Variants in THOP1 observed in about 807,000 individuals in gnomAD.
THOP1 encodes the protein thimet oligopeptidase 1, also known as thimet oligopeptidase.
In THOP1, 49 loss-of-function variants were observed where a neutral mutation model predicts 71.8. That is an observed-to-expected ratio of 0.68 (90% confidence interval 0.54 to 0.87). THOP1 has a LOEUF of 0.87. Among genes scored for constraint, THOP1 ranks in the 40% least tolerant of loss-of-function variants. THOP1 has a pLI of 0.00. For missense variants in THOP1, 843 were observed against 975.6 expected, an observed-to-expected ratio of 0.86 and a Z score of 1.81; for synonymous variants, 426 against 421.5, an observed-to-expected ratio of 1.01 and a Z score of -0.13.
chr19:2,812,394 G>A, intron 12 of THOP1: 2 of 1,496,848 alleles, frequency 1.3e-6, no homozygotes. Flanking sequence ...CCACCAAGCA[G>A]GCACTCAGCT....
At chr19:2,787,789 GT>G (rs1324776510) in intron 1 of THOP1, among the ~76,000 whole-genome samples, 1 of 152,204 alleles carries the variant, frequency 6.6e-6, no homozygotes, top group African/African-American at 2.4e-5. Context: ...GGCGCTCCTG[GT>G]ATGGAATGGA....
chr19:2,799,921 G>A (rs1014429647), intron 5 of THOP1, 130 bp downstream of exon 5: 4 of 811,296 alleles, frequency 4.9e-6, no homozygotes, highest in African/African-American at 1.7e-5. Context: ...GCCGAAGTAC[G>A]TGGACCTGAC....
intron 5 of THOP1, among the ~76,000 whole-genome samples, chr19:2,802,805 GTCT>G (rs2144772597): frequency 6.6e-6 from 1 of 152,298 alleles, no homozygotes; most frequent in African/African-American, 2.4e-5. Context: ...CTCCTTGCCT[GTCT>G]TCTTACTGAT....
Position 2,808,458 on chromosome 19 carries a change from CGGG to C in THOP1, c.1455+15_1455+17del, listed in dbSNP as rs759586491. The stretch of plus-strand genomic sequence containing the variant: ...CTCTGCTCCCAGGTGGGTGCGGGCC[CGGG>C]CAGGGGCAGGGGCAGGGGCAGGGGC... On this transcript the variant is annotated intron_variant, in intron 9 of 12. Transcript: ENST00000307741. The C allele has an allele frequency of 1.9e-6, 3 of 1,577,382 alleles. No individual in the cohort carries two copies. In the South Asian group the frequency reaches 3.5e-5, roughly 18 times the overall value.
At chr19:2,797,661 C>T (rs1199317287) in intron 4 of THOP1, among the ~76,000 whole-genome samples, 5 of 152,230 alleles carry the variant, frequency 3.3e-5, no homozygotes, top group Non-Finnish European at 2.9e-5. Flanking sequence ...CTGTGATGTT[C>T]GCTCCTATTA....
rs546206774 is a variant in THOP1 at position 2,804,307 on chromosome 19, T to C, written c.590-709T>C. ...GGCTGCCGGGCAGCGGGGTGAACTG[T>C]GTCCTGCCAGGGGTTTTGTGGGTGG... On this transcript the variant is annotated intron_variant, in intron 5 of 12. Coordinates refer to ENST00000307741, the MANE Select transcript of THOP1 (RefSeq NM_003249.5). This position sits in a 1 kb window ranked among gnomAD's most constrained non-coding sequence, Gnocchi z 4.7. Among the ~76,000 whole-genome samples the C allele has an allele frequency of 6.6e-6, 1 of 152,208 alleles. No homozygotes were observed. Among genetic ancestry groups the C allele is most frequent in the African/African-American group, 2.4e-5 (1 of 41,538 alleles).
rs577246039 is a variant in THOP1, at chr19:2,791,194, G to A, written c.229+561G>A. On this transcript the variant is annotated intron_variant, in intron 2 of 12. Transcript: ENST00000307741. The stretch of plus-strand genomic sequence containing the variant: ...CTCTCCTTGGGGTCCCTGTGCTCAC[G>A]GTGAGGAGTGAGGTGCCTAGTGACA... 4.6e-5 allele frequency among the ~76,000 whole-genome samples: 7 copies of A among 152,234 alleles called. No homozygotes were observed. The South Asian group carries it at 8.3e-4, about 18-fold the overall frequency.
At chr19:2,796,528 G>C (rs1234798541) in intron 4 of THOP1, among the ~76,000 whole-genome samples, 1 of 151,266 alleles carries the variant, frequency 6.6e-6, no homozygotes, top group African/African-American at 2.4e-5. Flanking sequence ...GGAGTGCTGG[G>C]TGGGGGGAGT....
rs1311873018 is a variant in THOP1, at chr19:2,815,615, CAG to C, written c.*2340_*2341del. 1 of 152,632 alleles carries C rather than the reference CAG, an allele frequency of 6.6e-6. No homozygotes were observed. Among genetic ancestry groups the C allele is most frequent in the African/African-American group, 2.4e-5 (1 of 41,432 alleles). 9.5% of individuals were successfully genotyped at this position (152,632 alleles called of 1,614,324 possible). The stretch of plus-strand genomic sequence containing the variant: ...CAGGACAGAGCGGGGGCTTTGATCA[CAG>C]GGAGGGGGCTGCAGAGCTGCTGTGT... On this transcript the variant is annotated 3_prime_UTR_variant, in exon 13 of 13. Transcript: ENST00000307741.
Position 2,805,294 on chromosome 19 carries a change from T to G in THOP1, c.750+118T>G. On this transcript the variant is annotated intron_variant, in intron 6 of 12. Coordinates refer to ENST00000307741, the MANE Select transcript of THOP1 (RefSeq NM_003249.5). The surrounding 1 kb of genome is among the most constrained non-coding windows in gnomAD (Gnocchi z 6.6). The stretch of plus-strand genomic sequence containing the variant: ...CACTTGGATGGCCTCCCAATCTCCC[T>G]GGCCAGGCCCAGTGGCCAGCAGAGG... 7.9e-7 allele frequency: 1 copy of G among 1,267,262 alleles called. No individual in the cohort carries two copies. The highest frequency in any genetic ancestry group is 1.1e-6 in the Non-Finnish European group (1 of 938,968). The allele number at this position is 1,267,262 out of a possible 1,614,324, so 78.5% of individuals were successfully genotyped here.
At position 2,813,739 on chromosome 19, in the gene THOP1, T is replaced by C. The variant is rs911146331; in HGVS notation, c.*463T>C. 3 of 49,150 alleles carry C rather than the reference T, an allele frequency of 6.1e-5. No individual in the cohort carries two copies. Among genetic ancestry groups the C allele is most frequent in the Admixed American group, 2.1e-4 (1 of 4,858 alleles). 3.0% of individuals were successfully genotyped at this position (49,150 alleles called of 1,614,324 possible). On this transcript the variant is annotated 3_prime_UTR_variant, in exon 13 of 13. Coordinates refer to ENST00000307741, the MANE Select transcript of THOP1 (RefSeq NM_003249.5). ...CTCAGGTCCTTGTGGGGGCGGGGGGTGGGGGAGTAAAGGGCTGGGAACCAG... is the reference window on the plus strand; with the variant it reads ...CTCAGGTCCTTGTGGGGGCGGGGGGCGGGGGAGTAAAGGGCTGGGAACCAG...
intron 3 of THOP1, among the ~76,000 whole-genome samples, chr19:2,795,664 C>T (rs1231126377): frequency 6.6e-6 from 1 of 152,248 alleles, no homozygotes; most frequent in Non-Finnish European, 1.5e-5. Context: ...AATCCTCCCA[C>T]CTCCACTTTC....
At chr19:2,785,893 C>T (rs1221402618) in intron 1 of THOP1, among the ~76,000 whole-genome samples, 3 of 152,162 alleles carry the variant, frequency 2.0e-5, no homozygotes, top group Admixed American at 6.5e-5. Context: ...AAGTTGATGG[C>T]GCTTCCCTTC....
At position 2,813,015 on chromosome 19, in the gene THOP1, T is replaced by G; in HGVS notation, c.1909-100T>G. 9.2e-6 allele frequency: 13 copies of G among 1,410,318 alleles called. No individual in the cohort carries two copies. The South Asian group carries it at 1.9e-4, about 20-fold the overall frequency. 87.4% of individuals were successfully genotyped at this position (1,410,318 alleles called of 1,614,324 possible). A position where few individuals can be genotyped will look rare whatever the true frequency, so the allele number is the denominator to read the frequency against. ...GCCTCCCTGGGAACCTGGAAGGGGT[T>G]GCTCCGAGGCCCCCCTGGGCGAGGG... On this transcript the variant is annotated intron_variant, in intron 12 of 12. Coordinates refer to ENST00000307741, the MANE Select transcript of THOP1 (RefSeq NM_003249.5).
rs893413604 is a variant in THOP1 at position 2,806,000 on chromosome 19, C to T, written c.750+824C>T. On this transcript the variant is annotated intron_variant, in intron 6 of 12. Transcript: ENST00000307741. The surrounding 1 kb of genome is among the most constrained non-coding windows in gnomAD (Gnocchi z 6.6). ...GCCCATCACTGCGGGGGGTGGGGGA[C>T]GGGTGGGTACCAATGGGGGTACAGG... 7 of 5,690 alleles carry T rather than the reference C, an allele frequency of 1.2e-3. No homozygotes were observed. The highest frequency in any genetic ancestry group is 3.2e-3 in the African/African-American group (4 of 1,268). The allele number at this position is 5,690 out of a possible 1,614,324, so 0.4% of individuals were successfully genotyped here. A position where few individuals can be genotyped will look rare whatever the true frequency, so the allele number is the denominator to read the frequency against.
chr19:2,809,226 GT>G (rs1195488500), intron 9 of THOP1, among the ~76,000 whole-genome samples: 4 of 152,168 alleles, frequency 2.6e-5, no homozygotes, highest in African/African-American at 7.2e-5. Context: ...GCGCTGACGG[GT>G]TCACGTTGAA....
chr19:2,813,308 G>A lies in THOP1; in HGVS notation c.*32G>A. 6.3e-7 allele frequency: 1 copy of A among 1,575,310 alleles called. No individual in the cohort carries two copies. The highest frequency in any genetic ancestry group is 1.1e-5 in the South Asian group (1 of 87,788). ...GCACTGCGACTGCCCAGTCTGGCCT[G>A]CGCTCCCGCCGCCCTGGTGCCTTAG... On this transcript the variant is annotated 3_prime_UTR_variant, in exon 13 of 13. Transcript: ENST00000307741.
chr19:2,807,914 G>A, intron 8 of THOP1, 106 bp downstream of exon 8: 1 of 1,302,232 alleles, frequency 7.7e-7, no homozygotes, highest in East Asian at 2.7e-5. Flanking sequence ...GCTCCATGGG[G>A]CCTCGGGGAT....
chr19:2,812,129 A>G, intron 12 of THOP1: 2 of 1,427,450 alleles, frequency 1.4e-6, no homozygotes, highest in African/African-American at 1.4e-5. Context: ...CCTCAGAGCC[A>G]TGGGCTGAGA....
Sources: gnomAD v4.1 joint callset for allele counts (sites outside exome capture counted in the v4.1 genomes callset) on GRCh38, gnomAD v4.1.1 for gene constraint, Gnocchi (gnomAD v3.1) non-coding constraint, MANE v1.5 for transcripts, NCBI Gene and HGNC (gene_info 2026-07-23, HGNC 2026-07-21) for gene names.